The following SLC26A8 variants were observed in gnomAD, a reference collection of about 807,000 sequenced individuals.
SLC26A8 encodes testis anion transporter 1.
SLC26A8 carries 70 observed loss-of-function variants against 105.0 expected under a neutral mutation model. The ratio of observed to expected loss-of-function variants is 0.67; its 90% CI spans 0.55 to 0.81. The LOEUF is 0.81. SLC26A8 is among the 40% of genes least tolerant of loss of function. The pLI, the probability that SLC26A8 is intolerant of heterozygous loss-of-function variation, is 0.00. For missense variants in SLC26A8, 998 were observed against 1,181.8 expected (o/e 0.84, Z 2.28); for synonymous variants, 415 against 438.3 (o/e 0.95, Z 0.66).
chr6:36,015,322 A>G lies in SLC26A8; in HGVS notation c.189-2950T>C, dbSNP rs191602521. Among the ~76,000 whole-genome samples the G allele has an allele frequency of 1.2e-3, 184 of 152,280 alleles. 2 individuals are homozygous for G. The highest frequency in any genetic ancestry group is 4.2e-3 in the African/African-American group (175 of 41,568). ...GAGACGGGGTTTCACCATGTTGGCC[A>G]GGCTGGTCTTAAACTCCTGACCTCG... is the stretch of plus-strand genomic sequence containing the variant. On this transcript the variant is annotated intron_variant, in intron 2 of 19. Coordinates refer to ENST00000490799, the MANE Select transcript of SLC26A8 (RefSeq NM_052961.4).
At position 35,975,402 on chromosome 6, in the gene SLC26A8, G is replaced by GAT; in HGVS notation, c.1258_1259dup (p.Gln421SerfsTer15). 1 of 1,611,218 alleles carries GAT rather than the reference G, an allele frequency of 6.2e-7. No individual in the cohort carries two copies. Among genetic ancestry groups the GAT allele is most frequent in the Non-Finnish European group, 8.5e-7 (1 of 1,178,258 alleles). ...GTTGTCTTCCTCCAGATTTATCCTG[G>GAT]ATAATAGTCCTAGCAATAGCACCAG... On this transcript the variant is annotated frameshift_variant, in exon 10 of 20. Transcript: ENST00000490799. LOFTEE classifies it high-confidence loss of function.
rs991741296 is a variant in SLC26A8 at position 35,963,411 on chromosome 6, C to T, written c.1366-790G>A. 2.6e-5 allele frequency among the ~76,000 whole-genome samples: 4 copies of T among 152,216 alleles called. No homozygotes were observed. The South Asian group carries it at 8.3e-4, about 32-fold the overall frequency. The stretch of plus-strand genomic sequence containing the variant: ...TCGTTTTACAACCCTAAGCTCCCGC[C>T]TTAAGGTCTATGAATGCTCCTAAGG... On this transcript the variant is annotated intron_variant, in intron 11 of 19. Coordinates refer to ENST00000490799, the MANE Select transcript of SLC26A8 (RefSeq NM_052961.4).
intron 16 of SLC26A8, among the ~76,000 whole-genome samples, chr6:35,956,896 G>A (rs1309777845): frequency 6.7e-6 from 1 of 150,058 alleles, no homozygotes; most frequent in Non-Finnish European, 1.5e-5. Context: ...TCCAGCCTGG[G>A]CAATAAGAGC....
At chr6:35,974,046 G>A (rs560676247) in intron 10 of SLC26A8, among the ~76,000 whole-genome samples, 11 of 152,296 alleles carry the variant, frequency 7.2e-5, no homozygotes, top group African/African-American at 1.9e-4. Flanking sequence ...GGCCGGGCCC[G>A]GTGGTTCATG....
intron 3 of SLC26A8, among the ~76,000 whole-genome samples, chr6:36,006,026 C>A (rs778551205): frequency 1.2e-4 from 18 of 152,180 alleles, no homozygotes; most frequent in Non-Finnish European, 2.4e-4. Flanking sequence ...ATTATTCACA[C>A]TACAAATTAT....
At chr6:35,983,508 G>A (rs1294736750) in intron 7 of SLC26A8, among the ~76,000 whole-genome samples, 2 of 151,288 alleles carry the variant, frequency 1.3e-5, no homozygotes, top group Non-Finnish European at 2.9e-5. Context: ...GATCTCAGTT[G>A]TTGCCTTGAA....
rs546384817 is a variant in SLC26A8, at chr6:35,953,344, A to G, written c.2232+1808T>C. The stretch of plus-strand genomic sequence containing the variant: ...AGGGAGACAATGGCACAACTATACC[A>G]TGGAACAGAGAGAAAGTATGATATA... On this transcript the variant is annotated intron_variant, in intron 17 of 19. Transcript: ENST00000490799. 5.3e-4 allele frequency among the ~76,000 whole-genome samples: 80 copies of G among 152,150 alleles called. 1 individual carries two copies. The highest frequency in any genetic ancestry group is 9.3e-4 in the Non-Finnish European group (63 of 68,022).
intron 11 of SLC26A8, among the ~76,000 whole-genome samples, chr6:35,965,682 C>CAAA (rs1293607391): frequency 1.5e-5 from 1 of 68,942 alleles, no homozygotes; most frequent in Non-Finnish European, 2.9e-5. Flanking sequence ...AACTCCATCT[C>CAAA]AAAAAAAAAA....
chr6:36,001,760 G>T (rs187953305), intron 3 of SLC26A8, among the ~76,000 whole-genome samples: 3 of 152,148 alleles, frequency 2.0e-5, no homozygotes, highest in East Asian at 3.9e-4. Flanking sequence ...TTTGTATTGG[G>T]CCCAACACAT....
chr6:35,983,985 C>G (rs1773385446), intron 7 of SLC26A8, among the ~76,000 whole-genome samples: 1 of 152,134 alleles, frequency 6.6e-6, no homozygotes, highest in African/African-American at 2.4e-5. Context: ...TCCATCCTCC[C>G]TCTCTCATTT....
chr6:35,944,429 G>C, intron 19 of SLC26A8, 89 bp from the exon 20 acceptor site: 1 of 873,294 alleles, frequency 1.1e-6, no homozygotes, highest in Non-Finnish European at 1.8e-6. Context: ...CCAGCACTTT[G>C]AGAGGCTGGG....
intron 5 of SLC26A8, among the ~76,000 whole-genome samples, chr6:35,996,319 GAAAT>G (rs1761349709): frequency 6.6e-6 from 1 of 152,172 alleles, no homozygotes; most frequent in Non-Finnish European, 1.5e-5. Flanking sequence ...AGAAAAAAGA[GAAAT>G]AAGCCTGGAG....
intron 19 of SLC26A8, 72 bp downstream of exon 19, chr6:35,951,091 A>G (rs1167951367): frequency 7.2e-6 from 9 of 1,256,276 alleles, no homozygotes; most frequent in African/African-American, 1.5e-5. Context: ...CCAGCCCCCA[A>G]CCACCCCTCA....
chr6:35,993,426 A>C (rs147124253), intron 5 of SLC26A8, among the ~76,000 whole-genome samples: 99 of 152,246 alleles, frequency 6.5e-4, no homozygotes, highest in African/African-American at 2.1e-3. Flanking sequence ...AAACAGTGGG[A>C]TCGAGCTCAA....
intron 7 of SLC26A8, among the ~76,000 whole-genome samples, chr6:35,991,126 C>G (rs1164678153): frequency 6.6e-6 from 1 of 152,068 alleles, no homozygotes; most frequent in Non-Finnish European, 1.5e-5. Context: ...TTAGGCCAGG[C>G]GTGGTGGCTC....
rs56104937 is a variant in SLC26A8 at position 36,001,151 on chromosome 6, C to T, written c.329-1043G>A. ...TATTCTTTTTCTTTTTTTTTTGAGA[C>T]GGAGTCTTGCTCTGTTGCCCAGGCT... On this transcript the variant is annotated intron_variant, in intron 3 of 19. Coordinates refer to ENST00000490799, the MANE Select transcript of SLC26A8 (RefSeq NM_052961.4). 9.3e-3 allele frequency among the ~76,000 whole-genome samples: 1,409 copies of T among 151,452 alleles called. 15 individuals are homozygous for T. Among genetic ancestry groups the T allele is most frequent in the African/African-American group, 0.032 (1,329 of 41,318 alleles).
intron 1 of SLC26A8, among the ~76,000 whole-genome samples, chr6:36,021,347 C>T (rs1762122290): frequency 6.6e-6 from 1 of 151,584 alleles, no homozygotes; most frequent in African/African-American, 2.4e-5. Context: ...TCTTTCCCCA[C>T]CCATAGGAAT....
intron 3 of SLC26A8, among the ~76,000 whole-genome samples, chr6:36,000,316 T>C (rs1434399888): frequency 6.6e-6 from 1 of 152,212 alleles, no homozygotes; most frequent in Non-Finnish European, 1.5e-5. Flanking sequence ...CACATGCTTT[T>C]ACACTTTAAT....
In SLC26A8 at chr6:35,944,152, C is replaced by G. The variant is rs750191047; in HGVS notation, c.2661G>C (p.Glu887Asp). 1.2e-6 allele frequency: 2 copies of G among 1,614,084 alleles called. No individual in the cohort carries two copies. The highest frequency in any genetic ancestry group is 3.3e-5 in the Admixed American group (2 of 59,990). ...TCTTGGTCTCGGTCTCAGCCTTGGG[C>G]TCCATTTCAGGCTCCAGCTCCCGAT... ...DLDRELEPEM[E>D]PKAETETKTQ... The change falls in exon 20 of 20, where the codon GAG becomes GAC. Residue 887 changes from glutamate (E) to aspartate (D), a missense_variant. Transcript: ENST00000490799.
Sources: gnomAD v4.1 joint callset for allele counts (sites outside exome capture counted in the v4.1 genomes callset) on GRCh38, gnomAD v4.1.1 for gene constraint, MANE v1.5 for transcripts, NCBI Gene and HGNC (gene_info 2026-07-23, HGNC 2026-07-21) for gene names.